Variants in FAF2 observed in about 807,000 individuals in gnomAD.
FAF2 encodes the protein Fas associated factor family member 2, also known as FAS-associated factor 2.
Under a neutral mutation model 62.3 loss-of-function variants are expected in FAF2, and 9 were observed. The observed-to-expected ratio is 0.14, with a 90% CI of 0.09 to 0.25. The LOEUF is 0.25. FAF2 is among the 10% of genes least tolerant of loss of function. The probability of loss-of-function intolerance (pLI) is 1.00; values close to 1 mark genes in which losing one functional copy is unlikely to be tolerated. For synonymous variants in FAF2, 202 were observed against 198.0 expected (o/e 1.02, Z -0.17); for missense variants, 368 against 556.2 (o/e 0.66, Z 3.40).
At chr5:176,448,570 C>T in intron 1 of FAF2, 100 bp downstream of exon 1, 2 of 1,203,762 alleles carry the variant, frequency 1.7e-6, no homozygotes, top group South Asian at 1.4e-5. Flanking sequence ...AGATCCTTCT[C>T]AGACCAGCAG....
At chr5:176,450,297 A>G (rs757193327) in intron 1 of FAF2, among the ~76,000 whole-genome samples, 9 of 152,230 alleles carry the variant, frequency 5.9e-5, no homozygotes, top group Non-Finnish European at 1.2e-4. Flanking sequence ...AATTATTATT[A>G]GAGAATGAGT....
intron 1 of FAF2, among the ~76,000 whole-genome samples, chr5:176,477,035 C>G (rs1758709140): frequency 6.6e-6 from 1 of 151,388 alleles, no homozygotes; most frequent in Non-Finnish European, 1.5e-5. Flanking sequence ...GTCTCGATCT[C>G]CTGACTTCGT....
At position 176,508,057 on chromosome 5, in the gene FAF2, A is replaced by T. The variant is rs1369516190; in HGVS notation, c.*1107A>T. 6.6e-6 allele frequency: 1 copy of T among 152,562 alleles called. No individual in the cohort carries two copies. The highest frequency in any genetic ancestry group is 1.5e-5 in the Non-Finnish European group (1 of 68,030). 9.5% of individuals were successfully genotyped at this position (152,562 alleles called of 1,614,324 possible). ...GTGGAAGTGTATTATTGTTTTAAGG[A>T]TAGAACCAGAGGCCTTGAAGGGAGC... On this transcript the variant is annotated 3_prime_UTR_variant, in exon 11 of 11. Coordinates refer to ENST00000261942, the MANE Select transcript of FAF2 (RefSeq NM_014613.3).
intron 2 of FAF2, 84 bp downstream of exon 2, chr5:176,479,340 T>C (rs1758752868): frequency 9.3e-7 from 1 of 1,078,550 alleles, no homozygotes; most frequent in Admixed American, 1.9e-5. Context: ...ATAGCAGGAA[T>C]CTTTTCAGTA....
chr5:176,504,099 T>A (rs1258261762), intron 10 of FAF2, among the ~76,000 whole-genome samples: 1 of 151,350 alleles, frequency 6.6e-6, no homozygotes, highest in Non-Finnish European at 1.5e-5. Flanking sequence ...AGAGTGAGAC[T>A]CCATCTCAAA....
chr5:176,452,773 A>G (rs1005260362), intron 1 of FAF2, among the ~76,000 whole-genome samples: 6 of 152,194 alleles, frequency 3.9e-5, no homozygotes, highest in Non-Finnish European at 5.9e-5. Context: ...GCTGTTCACA[A>G]TGTTTAAACT....
intron 1 of FAF2, among the ~76,000 whole-genome samples, chr5:176,463,682 G>A (rs148288555): frequency 1.5e-3 from 221 of 151,018 alleles, no homozygotes; most frequent in Non-Finnish European, 2.7e-3. Flanking sequence ...CTGAGGTTAC[G>A]AAGCTAGTGC....
intron 2 of FAF2, among the ~76,000 whole-genome samples, chr5:176,484,328 T>C (rs951466498): frequency 3.3e-5 from 5 of 152,196 alleles, no homozygotes; most frequent in African/African-American, 1.2e-4. Context: ...TTAAAATGCA[T>C]GCTGTTCTGA....
At chr5:176,458,549 G>A (rs753982580) in intron 1 of FAF2, among the ~76,000 whole-genome samples, 20 of 146,820 alleles carry the variant, frequency 1.4e-4, no homozygotes, top group Non-Finnish European at 2.7e-4. Flanking sequence ...GATTACAGGC[G>A]CGTGCCACCA....
intron 1 of FAF2, among the ~76,000 whole-genome samples, chr5:176,470,382 A>G (rs1019091244): frequency 6.6e-5 from 10 of 152,262 alleles, no homozygotes; most frequent in Admixed American, 3.9e-4. Flanking sequence ...GTTCGAGACC[A>G]GCCTGACCAA....
intron 2 of FAF2, among the ~76,000 whole-genome samples, chr5:176,482,317 A>G (rs966444205): frequency 2.0e-5 from 3 of 151,498 alleles, no homozygotes; most frequent in African/African-American, 7.3e-5. Context: ...TCCCAGGTTC[A>G]AATAATTTTC....
intron 1 of FAF2, among the ~76,000 whole-genome samples, chr5:176,469,869 A>T (rs1028181708): frequency 8.5e-5 from 13 of 152,218 alleles, no homozygotes; most frequent in African/African-American, 3.1e-4. Flanking sequence ...TCGTAAAATA[A>T]TGTGCAAAAT....
intron 1 of FAF2, among the ~76,000 whole-genome samples, chr5:176,455,816 G>T (rs1426082619): frequency 6.7e-6 from 1 of 149,384 alleles, no homozygotes; most frequent in Admixed American, 6.6e-5. Flanking sequence ...TAAAGAAAAC[G>T]ATAGGCTTTT....
At chr5:176,499,637 G>A (rs1456113584) in intron 9 of FAF2, among the ~76,000 whole-genome samples, 2 of 151,320 alleles carry the variant, frequency 1.3e-5, no homozygotes, top group Non-Finnish European at 2.9e-5. Flanking sequence ...TTAAGAGACA[G>A]GGTCTCACTG....
At chr5:176,485,516 A>G (rs1758860855) in intron 2 of FAF2, among the ~76,000 whole-genome samples, 1 of 152,214 alleles carries the variant, frequency 6.6e-6, no homozygotes, top group African/African-American at 2.4e-5. Context: ...CTCTTTGGGT[A>G]AGGTCAACTT....
intron 1 of FAF2, among the ~76,000 whole-genome samples, chr5:176,475,023 C>T (rs1758662477): frequency 6.6e-6 from 1 of 152,050 alleles, no homozygotes; most frequent in South Asian, 2.1e-4. Context: ...TCCAGCTCAC[C>T]CTGCTTCACT....
chr5:176,500,231 G>C, intron 10 of FAF2, 85 bp downstream of exon 10: 1 of 1,312,140 alleles, frequency 7.6e-7, no homozygotes, highest in Non-Finnish European at 1.1e-6. Context: ...GAGTGGTGTT[G>C]GTGTATCTGC....
chr5:176,454,247 G>A (rs768589866), intron 1 of FAF2, among the ~76,000 whole-genome samples: 11 of 151,526 alleles, frequency 7.3e-5, no homozygotes, highest in Non-Finnish European at 1.5e-4. Context: ...ATAAAAATTA[G>A]CCAGACATAG....
At chr5:176,452,583 T>G (rs915056516) in intron 1 of FAF2, among the ~76,000 whole-genome samples, 1 of 152,172 alleles carries the variant, frequency 6.6e-6, no homozygotes, top group Admixed American at 6.6e-5. Context: ...ACCTTGCTAC[T>G]TTGGAAGAGG....
Sources: allele counts gnomAD v4.1 joint callset (sites outside exome capture counted in the v4.1 genomes callset), GRCh38; gene constraint gnomAD v4.1.1; transcripts MANE v1.5; gene names NCBI Gene and HGNC (gene_info 2026-07-23, HGNC 2026-07-21).